KCNIP4: variants seen among roughly 807,000 people sequenced by gnomAD.
KCNIP4 encodes Kv channel-interacting protein 4.
KCNIP4 carries 12 observed loss-of-function variants against 34.0 expected under a neutral mutation model. The ratio of observed to expected loss-of-function variants is 0.35; its 90% CI spans 0.23 to 0.57. The LOEUF (loss-of-function observed/expected upper bound fraction) is 0.57. KCNIP4 is among the 20% of genes least tolerant of loss of function. KCNIP4 has a pLI of 0.83. For missense variants in KCNIP4, 238 were observed against 311.7 expected, an observed-to-expected ratio of 0.76 and a Z score of 1.78; for synonymous variants, 124 against 102.2, an observed-to-expected ratio of 1.21 and a Z score of -1.29.
intron 3 of KCNIP4, among the ~76,000 whole-genome samples, chr4:20,824,044 C>T (rs965018902): frequency 9.9e-5 from 15 of 152,160 alleles, no homozygotes; most frequent in South Asian, 2.1e-4. Context: ...TGAGTTTCCT[C>T]ATCTATAAAA....
chr4:21,212,651 G>C (rs1757301992), intron 1 of KCNIP4, among the ~76,000 whole-genome samples: 1 of 152,146 alleles, frequency 6.6e-6, no homozygotes, highest in Non-Finnish European at 1.5e-5. Context: ...CATCTGGTGA[G>C]GGCCCATTTC....
At chr4:20,753,390 A>G (rs1436489154) in intron 4 of KCNIP4, among the ~76,000 whole-genome samples, 1 of 152,202 alleles carries the variant, frequency 6.6e-6, no homozygotes, top group East Asian at 1.9e-4. Context: ...TCGAGGTTAC[A>G]TACCTTGGTG....
intron 1 of KCNIP4, among the ~76,000 whole-genome samples, chr4:21,037,981 TTTTG>T: frequency 6.9e-6 from 1 of 144,960 alleles, no homozygotes; most frequent in South Asian, 2.1e-4. Flanking sequence ...TTTTGTTTGT[TTTTG>T]TTTTTGTTTT....
At position 21,948,737 on chromosome 4, in the gene KCNIP4, C is replaced by A; in HGVS notation, c.-106G>T. The A allele has an allele frequency of 4.0e-6, 5 of 1,264,044 alleles. No homozygotes were observed. Among genetic ancestry groups the A allele is most frequent in the Non-Finnish European group, 5.1e-6 (5 of 989,682 alleles). The allele number at this position is 1,264,044 out of a possible 1,614,324, so 78.3% of individuals were successfully genotyped here. On this transcript the variant is annotated 5_prime_UTR_variant, in exon 1 of 9. Coordinates refer to ENST00000382152, the MANE Select transcript of KCNIP4 (RefSeq NM_025221.6). ...CACCGCCGCTCGGCCCGGGGGCGTC[C>A]GTGGCGCTGGGAGCGAGAGCTTCGG...
At chr4:21,927,509 A>C (rs1025392934) in intron 1 of KCNIP4, among the ~76,000 whole-genome samples, 4 of 152,154 alleles carry the variant, frequency 2.6e-5, no homozygotes, top group African/African-American at 9.7e-5. Flanking sequence ...GAGGAGGCCT[A>C]GAAATTAGAG....
At chr4:20,847,979 T>C (rs11730902) in intron 3 of KCNIP4, among the ~76,000 whole-genome samples, 13,222 of 152,186 alleles carry the variant, frequency 0.087, 905 homozygotes, top group African/African-American at 0.19. Context: ...GGATGGAAGC[T>C]GCTTCAGCTT....
intron 1 of KCNIP4, among the ~76,000 whole-genome samples, chr4:20,938,214 T>TTC (rs1491009417): frequency 1.4e-4 from 20 of 145,714 alleles, no homozygotes; most frequent in African/African-American, 5.0e-4. Context: ...TTTTTTTTTT[T>TTC]CAGCATCAGT....
intron 1 of KCNIP4, among the ~76,000 whole-genome samples, chr4:21,842,706 T>C (rs996917485): frequency 5.3e-5 from 8 of 152,148 alleles, no homozygotes; most frequent in African/African-American, 1.9e-4. Context: ...TAAGAAGTAA[T>C]AGTCTTCTAA....
intron 1 of KCNIP4, among the ~76,000 whole-genome samples, chr4:21,511,638 C>G (rs1734320071): frequency 6.6e-6 from 1 of 152,092 alleles, no homozygotes; most frequent in Non-Finnish European, 1.5e-5. Context: ...CAATAACGCT[C>G]CTTGTAAGTA....
intron 1 of KCNIP4, among the ~76,000 whole-genome samples, chr4:20,950,525 C>G (rs1390757556): frequency 6.6e-6 from 1 of 152,012 alleles, no homozygotes; most frequent in Non-Finnish European, 1.5e-5. Flanking sequence ...ATCAAAATCC[C>G]CAAGCCACTG....
chr4:21,798,825 C>G (rs1720808306), intron 1 of KCNIP4, among the ~76,000 whole-genome samples: 4 of 151,680 alleles, frequency 2.6e-5, no homozygotes. Flanking sequence ...AAAAAGCTAC[C>G]CTGCTTCAAA....
chr4:21,941,247 A>T (rs1428433444), intron 1 of KCNIP4, among the ~76,000 whole-genome samples: 2 of 152,172 alleles, frequency 1.3e-5, no homozygotes, highest in African/African-American at 4.8e-5. Flanking sequence ...AGATTTTCAG[A>T]CATCTTATCA....
intron 1 of KCNIP4, among the ~76,000 whole-genome samples, chr4:21,335,883 A>G (rs1474906393): frequency 6.6e-6 from 1 of 152,104 alleles, no homozygotes; most frequent in African/African-American, 2.4e-5. Context: ...ACCAATCACA[A>G]AGCTTTAAAA....
intron 1 of KCNIP4, chr4:21,718,629 C>T (rs1275191536): frequency 6.6e-6 from 1 of 151,652 alleles, no homozygotes; most frequent in Non-Finnish European, 1.5e-5. Context: ...AAGCCAAACA[C>T]ACTTAAAGTT....
intron 1 of KCNIP4, among the ~76,000 whole-genome samples, chr4:21,483,352 T>G (rs1731608570): frequency 6.6e-6 from 1 of 152,118 alleles, no homozygotes; most frequent in African/African-American, 2.4e-5. Context: ...TGTTCCCACC[T>G]AAAACTCAGG....
At chr4:20,863,509 T>C (rs1195230703) in intron 2 of KCNIP4, among the ~76,000 whole-genome samples, 1 of 152,184 alleles carries the variant, frequency 6.6e-6, no homozygotes, top group Non-Finnish European at 1.5e-5. Context: ...ATTTCCAATC[T>C]TGTGGCTAAT....
chr4:21,915,206 G>T (rs1728562745), intron 1 of KCNIP4, among the ~76,000 whole-genome samples: 1 of 152,154 alleles, frequency 6.6e-6, no homozygotes, highest in Non-Finnish European at 1.5e-5. Context: ...GGACATGCCA[G>T]TGTTACAATA....
intron 1 of KCNIP4, among the ~76,000 whole-genome samples, chr4:21,147,255 C>A (rs745788386): frequency 3.4e-4 from 51 of 152,076 alleles, no homozygotes; most frequent in Non-Finnish European, 6.8e-4. Flanking sequence ...CCCCCACCCC[C>A]AAACCTGGGT....
At chr4:21,329,862 A>G (rs1285058300) in intron 1 of KCNIP4, among the ~76,000 whole-genome samples, 1 of 152,250 alleles carries the variant, frequency 6.6e-6, no homozygotes, top group Non-Finnish European at 1.5e-5. Flanking sequence ...GGAAGATGAT[A>G]TAAAAACAAC....
Sources: allele counts gnomAD v4.1 joint callset (sites outside exome capture counted in the v4.1 genomes callset), GRCh38; gene constraint gnomAD v4.1.1; transcripts MANE v1.5; gene names NCBI Gene and HGNC (gene_info 2026-07-23, HGNC 2026-07-21).